Variants in MS4A13 observed in about 807,000 individuals in gnomAD.
MS4A13 encodes the protein membrane spanning 4-domains A13.
A neutral mutation model predicts 18.4 loss-of-function variants in MS4A13; 21 were observed. That is an observed-to-expected ratio of 1.14 (90% CI 0.81 to 1.64). The LOEUF is 1.64. MS4A13 is among the 40% of genes most tolerant of loss of function. The pLI is 0.00. For missense variants in MS4A13, 173 were observed against 176.8 expected (o/e 0.98, Z 0.12); for synonymous variants, 62 against 57.2 (o/e 1.08, Z -0.38).
chr11:60,516,664 G>A (rs867357287), intron 2 of MS4A13, among the ~76,000 whole-genome samples: 2 of 151,998 alleles, frequency 1.3e-5, no homozygotes, highest in African/African-American at 2.4e-5. Context: ...ACAATCCTTC[G>A]CATTTTTTTT....
intron 3 of MS4A13, among the ~76,000 whole-genome samples, chr11:60,519,562 G>T (rs921022688): frequency 6.6e-6 from 1 of 152,178 alleles, no homozygotes; most frequent in African/African-American, 2.4e-5. Context: ...AGATTATGGA[G>T]AGGTGGTTTT....
intron 2 of MS4A13, among the ~76,000 whole-genome samples, chr11:60,517,181 T>A (rs564968748): frequency 7.0e-6 from 1 of 143,016 alleles, no homozygotes; most frequent in Non-Finnish European, 1.5e-5. Context: ...AGAGACTTTT[T>A]CTTAAAAAAA....
intron 6 of MS4A13, among the ~76,000 whole-genome samples, chr11:60,539,130 GCTGAGGCTACCCAGAATA>G (rs891881068): frequency 2.1e-5 from 3 of 141,380 alleles, no homozygotes; most frequent in African/African-American, 8.0e-5. Flanking sequence ...CAGAAAACCA[GCTGAGGCTACCCAGAATA>G]CTGACTTGCA....
intron 2 of MS4A13, among the ~76,000 whole-genome samples, chr11:60,517,707 T>C (rs2086646419): frequency 6.6e-6 from 1 of 152,214 alleles, no homozygotes; most frequent in Non-Finnish European, 1.5e-5. Context: ...GCTTCCTGCA[T>C]TATAGTAGAT....
At chr11:60,532,432 T>C (rs1394202634) in intron 6 of MS4A13, among the ~76,000 whole-genome samples, 1 of 152,060 alleles carries the variant, frequency 6.6e-6, no homozygotes, top group Non-Finnish European at 1.5e-5. Flanking sequence ...GAAAATCGGG[T>C]CACTCCCACC....
intron 2 of MS4A13, among the ~76,000 whole-genome samples, chr11:60,517,595 C>A (rs1484528568): frequency 1.3e-5 from 2 of 152,028 alleles, no homozygotes; most frequent in Non-Finnish European, 2.9e-5. Context: ...AAAATCATAC[C>A]AAATACTCCT....
At chr11:60,524,993 AG>A (rs2086703974) in intron 4 of MS4A13, among the ~76,000 whole-genome samples, 1 of 152,314 alleles carries the variant, frequency 6.6e-6, no homozygotes, top group South Asian at 2.1e-4. Context: ...CCTAAATGGA[AG>A]ATTAATGATT....
intron 5 of MS4A13, among the ~76,000 whole-genome samples, chr11:60,526,710 T>C (rs1306336762): frequency 6.6e-6 from 1 of 152,350 alleles, no homozygotes; most frequent in East Asian, 1.9e-4. Flanking sequence ...CCAACTTTTC[T>C]CACATAAGCA....
intron 6 of MS4A13, among the ~76,000 whole-genome samples, chr11:60,542,068 A>G (rs1407793011): frequency 6.7e-6 from 1 of 150,086 alleles, no homozygotes; most frequent in Admixed American, 6.7e-5. Context: ...AGATCGCACC[A>G]CTGCACTCCA....
intron 6 of MS4A13, among the ~76,000 whole-genome samples, chr11:60,540,011 G>T (rs2086843762): frequency 2.0e-5 from 3 of 152,182 alleles, no homozygotes; most frequent in African/African-American, 2.4e-5. Flanking sequence ...TAAAAAAAGT[G>T]CCAGTAAAAG....
intron 6 of MS4A13, among the ~76,000 whole-genome samples, chr11:60,541,272 T>C (rs930281795): frequency 6.6e-6 from 1 of 152,242 alleles, no homozygotes; most frequent in South Asian, 2.1e-4. Flanking sequence ...GTCTTTGGTA[T>C]ATAACCAACA....
intron 6 of MS4A13, among the ~76,000 whole-genome samples, chr11:60,535,705 G>C: frequency 1.3e-4 from 1 of 7,682 alleles, no homozygotes; most frequent in African/African-American, 5.8e-4. Context: ...ACCAAAGCCG[G>C]GCAGAGACAC....
chr11:60,522,235 G>GATAA (rs2086680746), intron 3 of MS4A13, among the ~76,000 whole-genome samples: 1 of 112,202 alleles, frequency 8.9e-6, no homozygotes, highest in African/African-American at 3.9e-5. Flanking sequence ...TAGATAGATA[G>GATAA]ATAGATGTAT....
At chr11:60,521,764 C>A (rs1342351900) in intron 3 of MS4A13, among the ~76,000 whole-genome samples, 2 of 152,206 alleles carry the variant, frequency 1.3e-5, no homozygotes, top group African/African-American at 2.4e-5. Flanking sequence ...TCCAAAGTCA[C>A]TTCCAAATTT....
At chr11:60,538,364 A>G (rs2086827823) in intron 6 of MS4A13, among the ~76,000 whole-genome samples, 1 of 151,582 alleles carries the variant, frequency 6.6e-6, no homozygotes, top group African/African-American at 2.4e-5. Context: ...ACTGGGGACT[A>G]TAATAACTAA....
At chr11:60,524,091 C>G in intron 4 of MS4A13, 138 bp downstream of exon 4, 1 of 563,286 alleles carries the variant, frequency 1.8e-6, no homozygotes, top group Non-Finnish European at 3.1e-6. Context: ...AAGAATGAAT[C>G]TAGAAGAACA....
chr11:60,516,793 A>G (rs980945648), intron 2 of MS4A13, among the ~76,000 whole-genome samples: 9 of 152,194 alleles, frequency 5.9e-5, no homozygotes, highest in African/African-American at 2.2e-4. Flanking sequence ...GCAGTTCTTA[A>G]CAAGCATTGG....
intron 5 of MS4A13, among the ~76,000 whole-genome samples, chr11:60,525,745 T>C (rs998628240): frequency 1.3e-5 from 2 of 152,186 alleles, no homozygotes; most frequent in African/African-American, 2.4e-5. Flanking sequence ...GAATTTTTCA[T>C]ACATAGCCTA....
In MS4A13 at chr11:60,542,589, A is replaced by G. The variant is rs757891330; in HGVS notation, c.*14A>G. On this transcript the variant is annotated 3_prime_UTR_variant, in exon 7 of 7. Transcript: ENST00000378186. ...AGCACTCCTTAAAAACCCTAGAAAT[A>G]TGAGAATTTTGCTGTTGCTGATGCC... is the stretch of plus-strand genomic sequence containing the variant. 1.9e-6 allele frequency: 3 copies of G among 1,592,088 alleles called. No homozygotes were observed. Among genetic ancestry groups the G allele is most frequent in the Admixed American group, 3.4e-5 (2 of 59,510 alleles).
Sources: gnomAD v4.1 joint callset for allele counts (sites outside exome capture counted in the v4.1 genomes callset) on GRCh38, gnomAD v4.1.1 for gene constraint, MANE v1.5 for transcripts, NCBI Gene and HGNC (gene_info 2026-07-23, HGNC 2026-07-21) for gene names.